RFX5: variants seen among roughly 807,000 people sequenced by gnomAD.
RFX5 encodes the protein DNA-binding protein RFX5.
A neutral mutation model predicts 41.2 loss-of-function variants in RFX5; 30 were observed. The observed-to-expected ratio is 0.73, with a 90% CI of 0.54 to 0.99. RFX5 has a LOEUF of 0.99. Among genes scored for constraint, RFX5 ranks in the 50% least tolerant of loss-of-function variants. The probability of loss-of-function intolerance (pLI) is 0.00; values close to 1 mark genes in which losing one functional copy is unlikely to be tolerated. For synonymous variants in RFX5, 231 were observed against 291.8 expected (o/e 0.79, Z 2.12); for missense variants, 715 against 773.6 (o/e 0.92, Z 0.90).
Position 151,344,732 on chromosome 1 carries a change from AG to A in RFX5, c.348del (p.Tyr117IlefsTer48). ...ACCACCCACCCCTCCACCCACCGAT[AG>A]GCATCATAAACACTTTGCTTTGGCA... ...TCLPKQSVYD[A>X]YRKYCESLAC... is the part of the protein sequence containing the mutation. On this transcript the variant is annotated frameshift_variant, in exon 6 of 11. Coordinates refer to ENST00000452671, the MANE Select transcript of RFX5 (RefSeq NM_001025603.2). LOFTEE classifies it high-confidence loss of function. The A allele has an allele frequency of 6.3e-7, 1 of 1,592,574 alleles. No individual in the cohort carries two copies. Among genetic ancestry groups the A allele is most frequent in the Non-Finnish European group, 8.6e-7 (1 of 1,169,426 alleles).
At position 151,344,285 on chromosome 1, in the gene RFX5, C is replaced by T. The variant is rs1471375931; in HGVS notation, c.474-7G>A. On this transcript the variant is annotated splice_region_variant and splice_polypyrimidine_tract_variant and intron_variant, in intron 7 of 10. Transcript: ENST00000452671. ...TATGCCACTGTAGCAATATCTGATG[C>T]AAGTTAAAGAGCAGCCAACACATGG... 1.2e-6 allele frequency: 2 copies of T among 1,614,100 alleles called. No homozygotes were observed. Among genetic ancestry groups the T allele is most frequent in the East Asian group, 4.5e-5 (2 of 44,882 alleles).
At chr1:151,345,245 T>C in intron 4 of RFX5, 57 bp from the exon 5 acceptor site, 1 of 1,328,420 alleles carries the variant, frequency 7.5e-7, no homozygotes, top group Non-Finnish European at 1.1e-6. Context: ...GGACCCAATA[T>C]AGGACCCTCT....
In RFX5 at chr1:151,344,429, C is replaced by T. The variant is rs142678277; in HGVS notation, c.461G>A (p.Arg154Gln). 18 of 1,614,226 alleles carry T rather than the reference C, an allele frequency of 1.1e-5. No individual in the cohort carries two copies. The highest frequency in any genetic ancestry group is 1.5e-5 in the Non-Finnish European group (18 of 1,180,036). Residue 154 changes from arginine to glutamine, a missense_variant, in exon 7 of 11, where the codon CGG becomes CAG. Arg to Gln is a conservative substitution (Grantham distance 43). Transcript: ENST00000452671. Reference protein sequence around the residue: ...PDIKARRLGGRGQSKYCYSGI... With the variant: ...PDIKARRLGGQGQSKYCYSGI... ...TAGTCAAGGATACTTGGACTGGCCCCGGCCACCAAGCCTTCGAGCTTTGAT... is the reference window on the plus strand; with the variant it reads ...TAGTCAAGGATACTTGGACTGGCCCTGGCCACCAAGCCTTCGAGCTTTGAT...
intron 2 of RFX5, 27 bp from the exon 3 acceptor site, chr1:151,346,360 G>A (rs1651059348): frequency 2.5e-6 from 4 of 1,579,530 alleles, no homozygotes; most frequent in Non-Finnish European, 3.5e-6. Context: ...CAGGCATAAA[G>A]ATGTAACTCA....
In RFX5 at chr1:151,346,594, T is replaced by C; in HGVS notation, c.-119A>G. ...TCTGCCCCACCTTTCTGAAGTCTCC[T>C]AAATCTGGAAAACTGTAAAGGAAGA... On this transcript the variant is annotated 5_prime_UTR_variant, in exon 2 of 11. Transcript: ENST00000452671. 2.3e-6 allele frequency: 1 copy of C among 437,938 alleles called. No individual in the cohort carries two copies. The highest frequency in any genetic ancestry group is 4.2e-6 in the Non-Finnish European group (1 of 236,870). The allele number at this position is 437,938 out of a possible 1,614,324, so 27.1% of individuals were successfully genotyped here.
rs1473145954 is a variant in RFX5, at chr1:151,342,272, G to T, written c.1765C>A (p.Pro589Thr). Residue 589 changes from proline (P) to threonine (T), a missense_variant, in exon 11 of 11, where the codon CCA becomes ACA. Coordinates refer to ENST00000452671, the MANE Select transcript of RFX5 (RefSeq NM_001025603.2). Reference sequence around the variant, plus strand: ...TCCTTTAAGTCTTTATTACCCTGTGGTGCAGTGTCTACCTCTCCCTTTGCC... The same window carrying T: ...TCCTTTAAGTCTTTATTACCCTGTGTTGCAGTGTCTACCTCTCCCTTTGCC... Reference protein sequence around the residue: ...PLAKGEVDTAPQGNKDLKEHV... With the variant: ...PLAKGEVDTATQGNKDLKEHV... The T allele has an allele frequency of 6.2e-7, 1 of 1,614,126 alleles. No individual in the cohort carries two copies. Among genetic ancestry groups the T allele is most frequent in the East Asian group, 2.2e-5 (1 of 44,880 alleles).
chr1:151,344,147 A>G (rs1650778276), intron 8 of RFX5, 50 bp downstream of exon 8: 1 of 1,583,534 alleles, frequency 6.3e-7, no homozygotes, highest in Admixed American at 1.7e-5. Flanking sequence ...AAGACCTCTG[A>G]CTTTTACCTG....
At position 151,343,844 on chromosome 1, in the gene RFX5, A is replaced by T; in HGVS notation, c.594T>A (p.Asp198Glu). 6.2e-7 allele frequency: 1 copy of T among 1,614,108 alleles called. No homozygotes were observed. Among genetic ancestry groups the T allele is most frequent in the Non-Finnish European group, 8.5e-7 (1 of 1,180,026 alleles). The change falls in exon 9 of 11, where the codon GAT becomes GAA. Residue 198 changes from aspartate to glutamate, a missense_variant. Asp to Glu is a conservative substitution (Grantham distance 45). Coordinates refer to ENST00000452671, the MANE Select transcript of RFX5 (RefSeq NM_001025603.2). ...MGPEVTPAPR[D>E]ELVEAACALT... ...GGGCACACGCTGCCTCCACCAGTTC[A>T]TCTCGAGGTGCTGGGGTTACTTCTG...
chr1:151,344,641 G>A, intron 6 of RFX5, 87 bp downstream of exon 6: 1 of 1,586,236 alleles, frequency 6.3e-7, no homozygotes, highest in Non-Finnish European at 8.6e-7. Context: ...TAAGAAGGCA[G>A]GCTTTATCAA....
rs762687997 is a variant in RFX5 at position 151,344,417 on chromosome 1, T to C, written c.473A>G (p.Lys158Arg). 5 of 1,614,222 alleles carry C rather than the reference T, an allele frequency of 3.1e-6. No homozygotes were observed. The highest frequency in any genetic ancestry group is 2.2e-5 in the East Asian group (1 of 44,886). Residue 158 changes from lysine to arginine, a missense_variant and splice_region_variant, in exon 7 of 11, where the codon AAA becomes AGA. Coordinates refer to ENST00000452671, the MANE Select transcript of RFX5 (RefSeq NM_001025603.2). ...CCCCAACCTCTCTAGTCAAGGATACTTGGACTGGCCCCGGCCACCAAGCCT... is the reference window on the plus strand; with the variant it reads ...CCCCAACCTCTCTAGTCAAGGATACCTGGACTGGCCCCGGCCACCAAGCCT... ...ARRLGGRGQS[K>R]YCYSGIRRKT...
At chr1:151,344,888 A>G in intron 5 of RFX5, 41 bp from the exon 6 acceptor site, 1 of 1,614,100 alleles carries the variant, frequency 6.2e-7, no homozygotes, top group South Asian at 1.1e-5. Context: ...AGACCCTAAC[A>G]GTTGTCCTGG....
chr1:151,346,241 G>A lies in RFX5; in HGVS notation c.80C>T (p.Pro27Leu), dbSNP rs765404891. 1 of 1,614,186 alleles carries A rather than the reference G, an allele frequency of 6.2e-7. No individual in the cohort carries two copies. The highest frequency in any genetic ancestry group is 1.7e-5 in the Admixed American group (1 of 60,020). ...APPGGAEAGE[P>L]TTLLQRLRGT... ...TCGGAGCCTCTGAAGAAGGGTGGTAGGTTCCCCAGCCTCAGCACCACCTGG... is the reference window on the plus strand; with the variant it reads ...TCGGAGCCTCTGAAGAAGGGTGGTAAGTTCCCCAGCCTCAGCACCACCTGG... Residue 27 changes from proline (P) to leucine (L), a missense_variant, in exon 3 of 11, where the codon CCT (proline) becomes CTT (leucine). Pro to Leu is a moderately conservative substitution (Grantham distance 98). Coordinates refer to ENST00000452671, the MANE Select transcript of RFX5 (RefSeq NM_001025603.2).
At chr1:151,343,929 C>G (rs1650758065) in intron 8 of RFX5, 47 bp from the exon 9 acceptor site, 2 of 1,589,138 alleles carry the variant, frequency 1.3e-6, no homozygotes, top group Non-Finnish European at 1.7e-6. Flanking sequence ...ATTAAAGAAC[C>G]CTTGCCTCCT....
At chr1:151,346,078 A>G (rs1651024669) in intron 3 of RFX5, 117 bp from the exon 4 acceptor site, 2 of 1,573,656 alleles carry the variant, frequency 1.3e-6, no homozygotes, top group Admixed American at 3.3e-5. Context: ...AATTGCTACC[A>G]TGGCCAAAAA....
chr1:151,342,576 T>C lies in RFX5; in HGVS notation c.1461A>G (p.Ala487=). Residue 487 remains alanine (A), a synonymous_variant, in exon 11 of 11, where the codon GCA becomes GCG. Transcript: ENST00000452671. Reference sequence around the variant, plus strand: ...AGGACTGGGCAGATTCCATGGCAGCTGCTGACTTGAGAGGGGTAGAATTCC... The same window carrying C: ...AGGACTGGGCAGATTCCATGGCAGCCGCTGACTTGAGAGGGGTAGAATTCC... The part of the protein sequence containing the change: ...GERNSTPLKS[A]AAMESAQSSR... The C allele has an allele frequency of 6.2e-7, 1 of 1,614,206 alleles. No individual in the cohort carries two copies. The highest frequency in any genetic ancestry group is 8.5e-7 in the Non-Finnish European group (1 of 1,180,024).
At position 151,343,021 on chromosome 1, in the gene RFX5, G is replaced by A. The variant is rs992795118; in HGVS notation, c.1016C>T (p.Ser339Leu). The change falls in exon 11 of 11, where the codon TCA becomes TTA. Residue 339 changes from serine (S) to leucine (L), a missense_variant. By Grantham distance (145) the Ser-to-Leu change is moderately radical (BLOSUM62 -2). Transcript: ENST00000452671. ...LPLLLPRAPR[S>L]LIPPIPVSPP... ...AGAGACTGGGATTGGCGGAATTAGT[G>A]AGCGAGGGGCCCGGGGAAGGAGCAG... 3 of 1,613,598 alleles carry A rather than the reference G, an allele frequency of 1.9e-6. No homozygotes were observed. The highest frequency in any genetic ancestry group is 2.5e-6 in the Non-Finnish European group (3 of 1,179,852).
chr1:151,344,136 A>G, intron 8 of RFX5, 61 bp downstream of exon 8: 1 of 1,549,386 alleles, frequency 6.5e-7, no homozygotes, highest in Non-Finnish European at 8.9e-7. Context: ...AACATGCCCC[A>G]AAGACCTCTG....
Position 151,342,340 on chromosome 1 carries a change from C to T in RFX5, c.1697G>A (p.Ser566Asn), listed in dbSNP as rs1406372588. Residue 566 changes from serine (S) to asparagine (N), a missense_variant, in exon 11 of 11, where the codon AGT becomes AAT. By Grantham distance (46) the Ser-to-Asn change is conservative. Transcript: ENST00000452671. Reference sequence around the variant, plus strand: ...TTGGCTTCTGCTGCCCTTGATGACACTCACTTTTGAGGGGACCAAGGGAAT... The same window carrying T: ...TTGGCTTCTGCTGCCCTTGATGACATTCACTTTTGAGGGGACCAAGGGAAT... ...DKIPLVPSKV[S>N]VIKGSRSQKE... 3 of 1,614,050 alleles carry T rather than the reference C, an allele frequency of 1.9e-6. No individual in the cohort carries two copies. Among genetic ancestry groups the T allele is most frequent in the African/African-American group, 2.7e-5 (2 of 74,924 alleles).
At chr1:151,346,378 C>T (rs1651061361) in intron 2 of RFX5, 45 bp from the exon 3 acceptor site, 2 of 1,508,158 alleles carry the variant, frequency 1.3e-6, no homozygotes, top group Non-Finnish European at 9.2e-7. Flanking sequence ...TCACACTGGC[C>T]TTCCCTTCCC....
Sources: gnomAD v4.1 joint callset for allele counts on GRCh38, gnomAD v4.1.1 for gene constraint, MANE v1.5 for transcripts, NCBI Gene and HGNC (gene_info 2026-07-23, HGNC 2026-07-21) for gene names.